PRKAG2: variants seen among roughly 807,000 people sequenced by gnomAD.
The protein encoded by PRKAG2 is 5'-AMP-activated protein kinase subunit gamma-2.
Under a neutral mutation model 69.6 loss-of-function variants are expected in PRKAG2, and 26 were observed. The observed-to-expected ratio is 0.37, with a 90% CI of 0.27 to 0.52. The LOEUF (loss-of-function observed/expected upper bound fraction) is 0.52, where lower values mean the gene tolerates loss of function less well. Among genes scored for constraint, PRKAG2 ranks in the 20% least tolerant of loss-of-function variants. The pLI, the probability that PRKAG2 is intolerant of heterozygous loss-of-function variation, is 0.90. For synonymous variants in PRKAG2, 293 were observed against 285.0 expected (o/e 1.03, Z -0.28); for missense variants, 557 against 740.0 (o/e 0.75, Z 2.87).
chr7:151,632,437 G>C lies in PRKAG2; in HGVS notation c.685-299C>G. 1.8e-6 allele frequency: 1 copy of C among 565,944 alleles called. No individual in the cohort carries two copies. Among genetic ancestry groups the C allele is most frequent in the Non-Finnish European group, 2.2e-6 (1 of 447,766 alleles). The allele number at this position is 565,944 out of a possible 1,614,324, so 35.1% of individuals were successfully genotyped here. On this transcript the variant is annotated intron_variant, in intron 4 of 15. Coordinates refer to ENST00000287878, the MANE Select transcript of PRKAG2 (RefSeq NM_016203.4). The surrounding 1 kb of genome is among the most constrained non-coding windows in gnomAD (Gnocchi z 4.2). Reference sequence around the variant, plus strand: ...CCGCCCGGGAGGAAGCGTGGGAAGGGACCCGGGAGCTCGAGGGCGGCAGCG... The same window carrying C: ...CCGCCCGGGAGGAAGCGTGGGAAGGCACCCGGGAGCTCGAGGGCGGCAGCG...
intron 1 of PRKAG2, among the ~76,000 whole-genome samples, chr7:151,831,582 C>T (rs551451917): frequency 6.2e-4 from 95 of 152,322 alleles, no homozygotes; most frequent in African/African-American, 9.1e-4. Flanking sequence ...CTATGGTCAG[C>T]GGAGTTCTGG....
intron 1 of PRKAG2, among the ~76,000 whole-genome samples, chr7:151,868,838 A>G (rs1324363590): frequency 6.6e-6 from 1 of 152,254 alleles, no homozygotes; most frequent in Non-Finnish European, 1.5e-5. Context: ...CTCTTATAGG[A>G]AAACAGGGAG....
chr7:151,872,428 C>T (rs1289164266), intron 1 of PRKAG2, among the ~76,000 whole-genome samples: 1 of 152,200 alleles, frequency 6.6e-6, no homozygotes, highest in Non-Finnish European at 1.5e-5. Flanking sequence ...GTTCAGGTCC[C>T]CCCAGAAAAG....
chr7:151,572,230 C>T (rs1426320804), intron 9 of PRKAG2, among the ~76,000 whole-genome samples: 4 of 148,780 alleles, frequency 2.7e-5, no homozygotes, highest in Non-Finnish European at 6.0e-5. Context: ...AGTTTCTCCA[C>T]AATTTGTAAA....
chr7:151,740,328 T>A (rs1586201544), intron 3 of PRKAG2, among the ~76,000 whole-genome samples: 1 of 152,200 alleles, frequency 6.6e-6, no homozygotes, highest in East Asian at 1.9e-4. Flanking sequence ...ATTCAGCTCC[T>A]CTCAGAGAAA....
intron 1 of PRKAG2, among the ~76,000 whole-genome samples, chr7:151,789,105 T>C (rs2077152316): frequency 6.6e-6 from 1 of 152,228 alleles, no homozygotes; most frequent in South Asian, 2.1e-4. Flanking sequence ...TTGTTCTTCT[T>C]TTTTTCAAGA....
At chr7:151,786,594 G>A (rs1177982730) in intron 1 of PRKAG2, 53 bp from the exon 2 acceptor site, 4 of 1,464,538 alleles carry the variant, frequency 2.7e-6, no homozygotes, top group African/African-American at 2.8e-5. Flanking sequence ...GGGCCCAGGG[G>A]CTGCATGGAA....
chr7:151,841,917 T>C (rs1483330316), intron 1 of PRKAG2, among the ~76,000 whole-genome samples: 2 of 143,036 alleles, frequency 1.4e-5, no homozygotes, highest in African/African-American at 5.4e-5. Flanking sequence ...GTAGTGATGG[T>C]AGGTAGTCAT....
In PRKAG2 at chr7:151,564,306, TGA is replaced by T; in HGVS notation, c.1438-84_1438-83del. Reference sequence around the variant, plus strand: ...CAAAATTAGTGAGCTTAAGAGAGCCTGATTTCTAAAAACTTTAATGCTTATCT... The same window carrying T: ...CAAAATTAGTGAGCTTAAGAGAGCCTTTTCTAAAAACTTTAATGCTTATCT... On this transcript the variant is annotated intron_variant, in intron 13 of 15. Transcript: ENST00000287878. 1.6e-5 allele frequency: 24 copies of T among 1,499,196 alleles called. No individual in the cohort carries two copies. In the South Asian group the frequency reaches 2.7e-4, roughly 17 times the overall value. 92.9% of individuals were successfully genotyped at this position (1,499,196 alleles called of 1,614,324 possible).
At chr7:151,607,064 G>T (rs1391269686) in intron 5 of PRKAG2, among the ~76,000 whole-genome samples, 1 of 152,188 alleles carries the variant, frequency 6.6e-6, no homozygotes, top group Non-Finnish European at 1.5e-5. Context: ...TCTTTAAACA[G>T]ATGCCAACCC....
chr7:151,872,283 C>T (rs1468305512), intron 1 of PRKAG2, among the ~76,000 whole-genome samples: 2 of 151,964 alleles, frequency 1.3e-5, no homozygotes, highest in Admixed American at 1.3e-4. Flanking sequence ...GGACCCTTAC[C>T]CTGGGGGGGG....
At chr7:151,557,850 T>G in intron 15 of PRKAG2, 5 of 922,482 alleles carry the variant, frequency 5.4e-6, no homozygotes, top group Non-Finnish European at 6.5e-6. Context: ...CCAGCCTGGT[T>G]GACAAGAGTG....
At chr7:151,707,677 G>A (rs1331724112) in intron 3 of PRKAG2, among the ~76,000 whole-genome samples, 2 of 152,204 alleles carry the variant, frequency 1.3e-5, no homozygotes, top group African/African-American at 4.8e-5. Context: ...AAGGAGTCCT[G>A]AGGGAGAACT....
intron 3 of PRKAG2, among the ~76,000 whole-genome samples, chr7:151,715,488 G>A (rs545299574): frequency 4.0e-5 from 6 of 150,646 alleles, no homozygotes; most frequent in Non-Finnish European, 8.9e-5. Flanking sequence ...CAAGTTGCTG[G>A]GACTACAGGC....
chr7:151,591,498 G>T (rs981927087), intron 6 of PRKAG2, among the ~76,000 whole-genome samples: 8 of 152,140 alleles, frequency 5.3e-5, no homozygotes, highest in Non-Finnish European at 1.2e-4. Context: ...CAGAACCGGG[G>T]GTCTCACACC....
At chr7:151,735,790 T>C (rs1799684643) in intron 3 of PRKAG2, 18 of 1,397,326 alleles carry the variant, frequency 1.3e-5, no homozygotes, top group Non-Finnish European at 1.5e-5. Context: ...ATATCCCAGT[T>C]GGAAGAGAGT....
At chr7:151,782,293 AAAGAAAGG>A (rs1335355484) in intron 2 of PRKAG2, among the ~76,000 whole-genome samples, 28,470 of 93,258 alleles carry the variant, frequency 0.31, 5,786 homozygotes, top group South Asian at 0.44. Flanking sequence ...AAGAGAAAGG[AAAGAAAGG>A]AAGGAAGGAA....
chr7:151,727,036 T>G (rs923686779), intron 3 of PRKAG2, among the ~76,000 whole-genome samples: 6 of 151,828 alleles, frequency 4.0e-5, no homozygotes, highest in Non-Finnish European at 5.9e-5. Flanking sequence ...ACCAACATAG[T>G]GAAACCCCGC....
intron 3 of PRKAG2, among the ~76,000 whole-genome samples, chr7:151,689,470 G>A (rs1266744565): frequency 6.6e-6 from 1 of 152,216 alleles, no homozygotes; most frequent in Admixed American, 6.5e-5. Context: ...CTGGCACGAT[G>A]GGGTGTGGGC....
Sources: allele counts gnomAD v4.1 joint callset (sites outside exome capture counted in the v4.1 genomes callset), GRCh38; gene constraint gnomAD v4.1.1; non-coding constraint Gnocchi (gnomAD v3.1); transcripts MANE v1.5; gene names NCBI Gene and HGNC (gene_info 2026-07-23, HGNC 2026-07-21).